EYA2: variants seen among roughly 807,000 people sequenced by gnomAD.
The protein encoded by EYA2 is protein phosphatase EYA2.
Under a neutral mutation model 69.2 loss-of-function variants are expected in EYA2, and 31 were observed. That is an observed-to-expected ratio of 0.45 (90% confidence interval 0.34 to 0.60). The LOEUF (loss-of-function observed/expected upper bound fraction) is 0.60. EYA2 is among the 20% of genes least tolerant of loss of function. The probability of loss-of-function intolerance (pLI) is 0.02; values close to 1 mark genes in which losing one functional copy is unlikely to be tolerated. For missense variants in EYA2, 622 were observed against 701.2 expected (o/e 0.89, Z 1.28); for synonymous variants, 257 against 279.4 (o/e 0.92, Z 0.80).
chr20:47,169,176 A>T lies in EYA2; in HGVS notation c.1016A>T (p.Asp339Val), dbSNP rs1272993443. 6.2e-7 allele frequency: 1 copy of T among 1,614,102 alleles called. No individual in the cohort carries two copies. Among genetic ancestry groups the T allele is most frequent in the Non-Finnish European group, 8.5e-7 (1 of 1,180,014 alleles). ...DQIHVDDVSS[D>V]DNGQDLSTYN... ...ATCCACGTTGATGACGTCTCATCAG[A>T]TGACAATGGCCAAGATTTAAGGTGG... Residue 339 changes from aspartate to valine, a missense_variant, in exon 11 of 16, where the codon GAT becomes GTT. Physicochemically the swap from Asp to Val is radical, Grantham distance 152. Around this residue, in one of 2 missense-constraint regions of EYA2, gnomAD observed 257 missense variants for 351.5 expected, o/e 0.73. Transcript: ENST00000327619.
intron 5 of EYA2, among the ~76,000 whole-genome samples, chr20:47,066,120 G>A (rs1210143873): frequency 6.6e-6 from 1 of 152,136 alleles, no homozygotes; most frequent in East Asian, 1.9e-4. Context: ...TGGGCAGATT[G>A]CTTGAGCCCA....
intron 5 of EYA2, among the ~76,000 whole-genome samples, chr20:47,033,078 G>A (rs1332432292): frequency 2.6e-5 from 4 of 152,202 alleles, no homozygotes; most frequent in Non-Finnish European, 5.9e-5. Flanking sequence ...AGCTCAAAAA[G>A]ATTGTGCAAC....
rs546561991 is a variant in EYA2, at chr20:46,918,694, A to G, written c.-11+23707A>G. On this transcript the variant is annotated intron_variant, in intron 1 of 15. Transcript: ENST00000327619. ...TGAGGGCCAGAATCAACTTCTTCCA[A>G]ACTCCTGCTAATATTGATATTTTTA... Among the ~76,000 whole-genome samples, 23 of 152,236 alleles carry G rather than the reference A, an allele frequency of 1.5e-4. No individual in the cohort carries two copies. The South Asian group carries it at 4.8e-3, about 32-fold the overall frequency.
chr20:47,057,510 A>ACCCCCCCCCCC (rs796462817), intron 5 of EYA2, among the ~76,000 whole-genome samples: 2 of 94,768 alleles, frequency 2.1e-5, no homozygotes, highest in African/African-American at 6.8e-5. Flanking sequence ...TTTTTATATC[A>ACCCCCCCCCCC]CCCCCCCCCC....
intron 1 of EYA2, among the ~76,000 whole-genome samples, chr20:46,980,067 G>T (rs997990604): frequency 1.3e-5 from 2 of 152,156 alleles, no homozygotes; most frequent in African/African-American, 4.8e-5. Context: ...AGCTGGATGG[G>T]CCCTGAGTTG....
chr20:47,123,458 A>C (rs8126379), intron 9 of EYA2, among the ~76,000 whole-genome samples: 4,718 of 152,196 alleles, frequency 0.031, 246 homozygotes, highest in African/African-American at 0.11. Context: ...TATGAAAGCC[A>C]CTAGCTAGAG....
At chr20:47,177,480 A>G (rs1050468295) in intron 12 of EYA2, among the ~76,000 whole-genome samples, 1 of 152,232 alleles carries the variant, frequency 6.6e-6, no homozygotes, top group Admixed American at 6.5e-5. Context: ...TACAAGTGAA[A>G]AAAATGGATA....
rs572212684 is a variant in EYA2 at position 47,030,053 on chromosome 20, G to A, written c.415+13756G>A. Among the ~76,000 whole-genome samples, 11 of 152,314 alleles carry A rather than the reference G, an allele frequency of 7.2e-5. No individual in the cohort carries two copies. In the East Asian group the frequency reaches 1.2e-3, roughly 16 times the overall value. On this transcript the variant is annotated intron_variant, in intron 5 of 15. Transcript: ENST00000327619. Reference sequence around the variant, plus strand: ...AAACAGCCATAGTCAATACGACAACGAATGGGCAAGGCTGTCTTCCAAGAC... The same window carrying A: ...AAACAGCCATAGTCAATACGACAACAAATGGGCAAGGCTGTCTTCCAAGAC...
At chr20:46,925,605 AAAG>A (rs1985380550) in intron 1 of EYA2, among the ~76,000 whole-genome samples, 1 of 152,228 alleles carries the variant, frequency 6.6e-6, no homozygotes, top group Non-Finnish European at 1.5e-5. Context: ...CTCACTTAAA[AAAG>A]AGATATGCAA....
At chr20:46,907,835 A>AGAACAAAC (rs1984437737) in intron 1 of EYA2, among the ~76,000 whole-genome samples, 1 of 150,346 alleles carries the variant, frequency 6.7e-6, no homozygotes, top group African/African-American at 2.4e-5. Flanking sequence ...ACTCCATCTG[A>AGAACAAAC]AAACAAACAA....
intron 2 of EYA2, among the ~76,000 whole-genome samples, chr20:47,000,220 G>A (rs1014985753): frequency 4.6e-5 from 7 of 152,228 alleles, no homozygotes; most frequent in Non-Finnish European, 5.9e-5. Flanking sequence ...AGCTTGGCAC[G>A]TAATAAGCAC....
chr20:47,028,945 C>G (rs796543825), intron 5 of EYA2, among the ~76,000 whole-genome samples: 1 of 135,494 alleles, frequency 7.4e-6, no homozygotes. Flanking sequence ...TAAAAAAAAA[C>G]AAATGCCAGA....
chr20:47,147,753 G>C (rs2033731952), intron 10 of EYA2, among the ~76,000 whole-genome samples: 1 of 152,158 alleles, frequency 6.6e-6, no homozygotes, highest in African/African-American at 2.4e-5. Context: ...AGAATCTGTG[G>C]GGTTTAAAGA....
At chr20:47,008,602 A>G (rs1226193276) in intron 4 of EYA2, among the ~76,000 whole-genome samples, 1 of 152,244 alleles carries the variant, frequency 6.6e-6, no homozygotes, top group Non-Finnish European at 1.5e-5. Flanking sequence ...CCCAGACAAA[A>G]CATGGCATCA....
chr20:47,028,471 C>T (rs1206421807), intron 5 of EYA2, among the ~76,000 whole-genome samples: 2 of 152,234 alleles, frequency 1.3e-5, no homozygotes, highest in Non-Finnish European at 2.9e-5. Context: ...AGCAGGTCTA[C>T]GTGTGGCATC....
chr20:47,048,347 T>G (rs527606093), intron 5 of EYA2, among the ~76,000 whole-genome samples: 40 of 152,306 alleles, frequency 2.6e-4, no homozygotes, highest in African/African-American at 9.4e-4. Flanking sequence ...TATGAGAAAC[T>G]GGGCCTGATT....
At chr20:47,119,910 A>G (rs1284004814) in intron 9 of EYA2, among the ~76,000 whole-genome samples, 1 of 151,762 alleles carries the variant, frequency 6.6e-6, no homozygotes, top group Non-Finnish European at 1.5e-5. Context: ...CTACAGAAAG[A>G]AAAATAAGTA....
At chr20:46,971,888 T>G (rs1257623915) in intron 1 of EYA2, among the ~76,000 whole-genome samples, 1 of 152,246 alleles carries the variant, frequency 6.6e-6, no homozygotes. Flanking sequence ...GACTGTTTAG[T>G]GCTGATTACA....
chr20:47,099,833 T>G (rs1427794429), intron 9 of EYA2, among the ~76,000 whole-genome samples: 1 of 151,884 alleles, frequency 6.6e-6, no homozygotes, highest in Non-Finnish European at 1.5e-5. Flanking sequence ...TTATTTTTAT[T>G]TTATGTCTTC....
Sources: allele counts gnomAD v4.1 joint callset (sites outside exome capture counted in the v4.1 genomes callset), GRCh38; gene constraint gnomAD v4.1.1; regional missense constraint gnomAD v4.1.1; transcripts MANE v1.5; gene names NCBI Gene and HGNC (gene_info 2026-07-23, HGNC 2026-07-21).